The following NCKAP5L variants were observed in gnomAD, a reference collection of about 807,000 sequenced individuals.
NCKAP5L encodes the protein nck-associated protein 5-like.
Under a neutral mutation model 103.2 loss-of-function variants are expected in NCKAP5L, and 54 were observed. The observed-to-expected ratio is 0.52, with a 90% CI of 0.42 to 0.66. The LOEUF (loss-of-function observed/expected upper bound fraction) is 0.66. NCKAP5L is among the 30% of genes least tolerant of loss of function. The pLI, the probability that NCKAP5L is intolerant of heterozygous loss-of-function variation, is 0.00. For missense variants in NCKAP5L, 1,733 were observed against 1,750.6 expected (o/e 0.99, Z 0.18); for synonymous variants, 762 against 748.6 (o/e 1.02, Z -0.29).
In NCKAP5L at chr12:49,795,921, G is replaced by C. The variant is rs1946031874; in HGVS notation, c.1939C>G (p.Gln647Glu). Residue 647 changes from glutamine to glutamate, a missense_variant, in exon 8 of 13, where the codon CAG (glutamine) becomes GAG (glutamate). Transcript: ENST00000335999. ...TPGNSSKKPSQGSGRRPGDPG... is the reference protein window; with the variant it reads ...TPGNSSKKPSEGSGRRPGDPG... Reference sequence around the variant, plus strand: ...TCCCCAGGTCGCCGTCCTGACCCCTGGCTGGGCTTCTTGGATGAGTTGCCT... The same window carrying C: ...TCCCCAGGTCGCCGTCCTGACCCCTCGCTGGGCTTCTTGGATGAGTTGCCT... 2.0e-6 allele frequency: 3 copies of C among 1,527,844 alleles called. No homozygotes were observed. Among genetic ancestry groups the C allele is most frequent in the Non-Finnish European group, 2.6e-6 (3 of 1,144,736 alleles). The allele number at this position is 1,527,844 out of a possible 1,614,324, so 94.6% of individuals were successfully genotyped here.
At chr12:49,803,291 T>G in intron 3 of NCKAP5L, 126 bp from the exon 4 acceptor site, 1 of 872,994 alleles carries the variant, frequency 1.1e-6, no homozygotes. Flanking sequence ...ACTCCAGCTC[T>G]TGGCTGTGAG....
chr12:49,815,414 T>C (rs916795765), intron 1 of NCKAP5L, among the ~76,000 whole-genome samples: 1 of 152,274 alleles, frequency 6.6e-6, no homozygotes, highest in Non-Finnish European at 1.5e-5. Context: ...TTTATTTTAA[T>C]CTTTGGGTTA....
In NCKAP5L at chr12:49,796,698, C is replaced by T. The variant is rs1324013004; in HGVS notation, c.1162G>A (p.Ala388Thr). Reference protein sequence around the residue: ...KSAWGGGTPEAHRPGFGATSE... With the variant: ...KSAWGGGTPETHRPGFGATSE... ...GTAGCACCGAAGCCTGGCCTGTGGG[C>T]CTCTGGGGTACCCCCACCCCAAGCT... The change falls in exon 8 of 13, where the codon GCC becomes ACC. Residue 388 changes from alanine (A) to threonine (T), a missense_variant. Physicochemically the swap from Ala to Thr is moderately conservative, Grantham distance 58. Coordinates refer to ENST00000335999, the MANE Select transcript of NCKAP5L (RefSeq NM_001037806.4). 1.3e-6 allele frequency: 2 copies of T among 1,597,052 alleles called. No individual in the cohort carries two copies. The highest frequency in any genetic ancestry group is 2.2e-5 in the East Asian group (1 of 44,692).
intron 6 of NCKAP5L, among the ~76,000 whole-genome samples, chr12:49,800,818 TA>T (rs1336802057): frequency 1.3e-5 from 2 of 152,104 alleles, no homozygotes; most frequent in Non-Finnish European, 2.9e-5. Flanking sequence ...TTCATTTAGG[TA>T]AAAAGTAAAT....
chr12:49,803,633 T>C (rs564657425), intron 3 of NCKAP5L, among the ~76,000 whole-genome samples: 1 of 152,220 alleles, frequency 6.6e-6, no homozygotes, highest in East Asian at 1.9e-4. Context: ...TCCTAGAGCC[T>C]GCAGAGGCAT....
Position 49,795,722 on chromosome 12 carries a change from T to C in NCKAP5L, c.2138A>G (p.His713Arg), listed in dbSNP as rs1463818234. 1.2e-6 allele frequency: 2 copies of C among 1,607,984 alleles called. No individual in the cohort carries two copies. Among genetic ancestry groups the C allele is most frequent in the Non-Finnish European group, 1.7e-6 (2 of 1,177,446 alleles). Residue 713 changes from histidine (H) to arginine (R), a missense_variant, in exon 8 of 13, where the codon CAC becomes CGC. Transcript: ENST00000335999. ...GGCTTCTAGCTGCTCCAGTGGCCTG[T>C]GGATGGAGGGCACCATGTCTCCAGC... Reference protein sequence around the residue: ...ESAGDMVPSIHRPLEQLEAKG... With the variant: ...ESAGDMVPSIRRPLEQLEAKG...
chr12:49,796,290 A>T lies in NCKAP5L; in HGVS notation c.1570T>A (p.Ser524Thr). ...GAGTCTGGGGTTGTGTAGCAGGGTG[A>T]AGGGCTGGTGGGCAGGCCTTGCGCC... ...EGAQGLPTSP[S>T]PCYTTPDSTQ... Residue 524 changes from serine to threonine, a missense_variant, in exon 8 of 13, where the codon TCA becomes ACA. By Grantham distance (58) the Ser-to-Thr change is moderately conservative. Transcript: ENST00000335999. 1.9e-6 allele frequency: 3 copies of T among 1,547,928 alleles called. No homozygotes were observed. The highest frequency in any genetic ancestry group is 1.7e-6 in the Non-Finnish European group (2 of 1,146,180).
intron 1 of NCKAP5L, among the ~76,000 whole-genome samples, chr12:49,822,948 C>G (rs1946377006): frequency 6.6e-6 from 1 of 152,170 alleles, no homozygotes; most frequent in Admixed American, 6.5e-5. Flanking sequence ...AAAGCTCCTC[C>G]CAGCTGTGGC....
chr12:49,799,084 A>G (rs1946090715), intron 6 of NCKAP5L, among the ~76,000 whole-genome samples: 1 of 152,024 alleles, frequency 6.6e-6, no homozygotes, highest in Admixed American at 6.6e-5. Flanking sequence ...CATTCTTCAC[A>G]GCCTTTAAAC....
intron 1 of NCKAP5L, among the ~76,000 whole-genome samples, chr12:49,818,040 A>G (rs1289957254): frequency 6.6e-6 from 1 of 152,032 alleles, no homozygotes; most frequent in African/African-American, 2.4e-5. Flanking sequence ...GAGGCACAGG[A>G]ATCTCTTGAA....
In NCKAP5L at chr12:49,791,656, G is replaced by GTCATC. The variant is rs1945935805; in HGVS notation, c.*178_*182dup. On this transcript the variant is annotated 3_prime_UTR_variant, in exon 13 of 13. Transcript: ENST00000335999. ...GGGGTCTCTCCCTGAGCTGAGCACG[G>GTCATC]TCATCTCATCCGCCGAAGCAGTGGG... 1.4e-5 allele frequency: 8 copies of GTCATC among 560,162 alleles called. No homozygotes were observed. The highest frequency in any genetic ancestry group is 2.5e-5 in the Non-Finnish European group (8 of 321,498). 34.7% of individuals were successfully genotyped at this position (560,162 alleles called of 1,614,324 possible).
chr12:49,796,424 TG>T lies in NCKAP5L; in HGVS notation c.1435del (p.Gln479SerfsTer109). 1 of 1,562,572 alleles carries T rather than the reference TG, an allele frequency of 6.4e-7. No homozygotes were observed. Among genetic ancestry groups the T allele is most frequent in the Non-Finnish European group, 8.6e-7 (1 of 1,156,772 alleles). On this transcript the variant is annotated frameshift_variant, in exon 8 of 13. Coordinates refer to ENST00000335999, the MANE Select transcript of NCKAP5L (RefSeq NM_001037806.4). LOFTEE classifies it high-confidence loss of function. Reference sequence around the variant, plus strand: ...GGGGATTCGCGAGTTCCGGGGGAGCTGGGGACTGAGCTGCGGGCCTCCTGGG... The same window carrying T: ...GGGGATTCGCGAGTTCCGGGGGAGCTGGGACTGAGCTGCGGGCCTCCTGGG... ...PSPGGPQLSPQLPRNSRIPCR... is the reference protein window; with the variant it reads ...PSPGGPQLSPXLPRNSRIPCR...
intron 1 of NCKAP5L, among the ~76,000 whole-genome samples, chr12:49,827,488 A>G (rs555095818): frequency 6.6e-6 from 1 of 152,354 alleles, no homozygotes; most frequent in East Asian, 1.9e-4. Flanking sequence ...ACTGGAGATA[A>G]CGCGGGACCT....
chr12:49,802,727 T>A, intron 5 of NCKAP5L: 1 of 575,654 alleles, frequency 1.7e-6, no homozygotes. Context: ...AAAAGCCAGC[T>A]GGGGACAGGG....
At chr12:49,812,606 A>G (rs2137028376) in intron 1 of NCKAP5L, among the ~76,000 whole-genome samples, 1 of 151,612 alleles carries the variant, frequency 6.6e-6, no homozygotes, top group Admixed American at 6.6e-5. Context: ...CTGATCTCGA[A>G]CTCCTGACCT....
chr12:49,810,452 C>T (rs189882080), intron 1 of NCKAP5L, among the ~76,000 whole-genome samples: 25 of 152,326 alleles, frequency 1.6e-4, no homozygotes, highest in Admixed American at 3.3e-4. Context: ...AGTTTCTTCA[C>T]GCCAAGTGGT....
rs1157361650 is a variant in NCKAP5L, at chr12:49,797,415, A to G, written c.466-21T>C. On this transcript the variant is annotated intron_variant, in intron 7 of 12. Transcript: ENST00000335999. The surrounding 1 kb of genome is among the most constrained non-coding windows in gnomAD (Gnocchi z 4.5). ...CATACCTTAGGGGAGAGATGATGGC[A>G]TGAGGAGGAGACCACACACAGCTGG... 15 of 1,548,284 alleles carry G rather than the reference A, an allele frequency of 9.7e-6. No homozygotes were observed. The highest frequency in any genetic ancestry group is 1.3e-5 in the Non-Finnish European group (15 of 1,137,998).
rs1012903642 is a variant in NCKAP5L, at chr12:49,792,293, C to G, written c.3792+153G>C. The G allele has an allele frequency of 1.2e-5, 17 of 1,461,260 alleles. No individual in the cohort carries two copies. The highest frequency in any genetic ancestry group is 1.4e-5 in the African/African-American group (1 of 71,504). 90.5% of individuals were successfully genotyped at this position (1,461,260 alleles called of 1,614,324 possible). On this transcript the variant is annotated intron_variant, in intron 12 of 12. Transcript: ENST00000335999. This position sits in a 1 kb window ranked among gnomAD's most constrained non-coding sequence, Gnocchi z 4.5. Reference sequence around the variant, plus strand: ...AGTGCAAGGAGGGCAGTGGGGAGGGCCGCTCACAGGGCATCCCAGGGGTCC... The same window carrying G: ...AGTGCAAGGAGGGCAGTGGGGAGGGGCGCTCACAGGGCATCCCAGGGGTCC...
intron 1 of NCKAP5L, among the ~76,000 whole-genome samples, chr12:49,821,358 T>C (rs1217892525): frequency 5.3e-5 from 8 of 150,196 alleles, no homozygotes; most frequent in African/African-American, 1.7e-4. Context: ...GTGATGCGGG[T>C]GGGGGAAGAG....
Sources: allele counts gnomAD v4.1 joint callset (sites outside exome capture counted in the v4.1 genomes callset), GRCh38; gene constraint gnomAD v4.1.1; non-coding constraint Gnocchi (gnomAD v3.1); transcripts MANE v1.5; gene names NCBI Gene and HGNC (gene_info 2026-07-23, HGNC 2026-07-21).